Variants in PTAFR observed in about 807,000 individuals in gnomAD.
PTAFR encodes platelet-activating factor receptor.
A neutral mutation model predicts 14.7 loss-of-function variants in PTAFR; 8 were observed. That is an observed-to-expected ratio of 0.54 (90% CI 0.32 to 0.98). The LOEUF (loss-of-function observed/expected upper bound fraction) is 0.98, where lower values mean the gene tolerates loss of function less well. Ranked by LOEUF, PTAFR falls within the 50% of genes least tolerant of loss-of-function variation. The pLI is 0.04. For synonymous variants in PTAFR, 156 were observed against 176.5 expected, an observed-to-expected ratio of 0.88 and a Z score of 0.92; for missense variants, 337 against 451.2, an observed-to-expected ratio of 0.75 and a Z score of 2.29.
At chr1:28,166,125 A>G (rs1646382509) in intron 1 of PTAFR, among the ~76,000 whole-genome samples, 1 of 152,204 alleles carries the variant, frequency 6.6e-6, no homozygotes. Context: ...GATCAATGGG[A>G]CAGAATAGAG....
intron 1 of PTAFR, among the ~76,000 whole-genome samples, chr1:28,168,090 C>G (rs1006861683): frequency 4.0e-5 from 6 of 149,606 alleles, no homozygotes; most frequent in South Asian, 2.1e-4. Context: ...TCCCGAGTAG[C>G]TGGGACTACA....
At chr1:28,162,285 C>T (rs559932606) in intron 1 of PTAFR, among the ~76,000 whole-genome samples, 57 of 152,256 alleles carry the variant, frequency 3.7e-4, no homozygotes, top group African/African-American at 1.3e-3. Flanking sequence ...CAATTCCTCT[C>T]CCCGTCCCCT....
intron 1 of PTAFR, among the ~76,000 whole-genome samples, chr1:28,156,285 C>T (rs928728198): frequency 6.6e-6 from 1 of 151,784 alleles, no homozygotes; most frequent in East Asian, 1.9e-4. Context: ...GAAAATATCA[C>T]CAATTATCTG....
At chr1:28,154,081 GAAAAAAAAA>G (rs71586829) in intron 1 of PTAFR, among the ~76,000 whole-genome samples, 2 of 55,518 alleles carry the variant, frequency 3.6e-5, no homozygotes, top group East Asian at 5.9e-4. Context: ...CCTTGTCTCA[GAAAAAAAAA>G]AAAAAAAAAA....
upstream of PTAFR, among the ~76,000 whole-genome samples, chr1:28,178,220 C>CA (rs1050904420): frequency 6.6e-6 from 1 of 152,022 alleles, no homozygotes; most frequent in African/African-American, 2.4e-5. Context: ...TTATCAAAGC[C>CA]AAAAATGGCT....
chr1:28,149,899 G>T lies in PTAFR; in HGVS notation c.*94C>A. 1 of 1,457,744 alleles carries T rather than the reference G, an allele frequency of 6.9e-7. No individual in the cohort carries two copies. Among genetic ancestry groups the T allele is most frequent in the African/African-American group, 1.4e-5 (1 of 70,610 alleles). The allele number at this position is 1,457,744 out of a possible 1,614,324, so 90.3% of individuals were successfully genotyped here. ...ATCTAATGGCCCACCAGTGCCCACAGAGGTGGTGCCCAGACCACAGTAGAT... is the reference window on the plus strand; with the variant it reads ...ATCTAATGGCCCACCAGTGCCCACATAGGTGGTGCCCAGACCACAGTAGAT... On this transcript the variant is annotated 3_prime_UTR_variant, in exon 2 of 2. Transcript: ENST00000373857.
chr1:28,162,119 G>A (rs558539500), intron 1 of PTAFR, among the ~76,000 whole-genome samples: 6 of 152,130 alleles, frequency 3.9e-5, no homozygotes, highest in Non-Finnish European at 5.9e-5. Context: ...TGTGAGCCTC[G>A]GAGAGCTGCT....
intron 1 of PTAFR, among the ~76,000 whole-genome samples, chr1:28,172,677 G>A (rs922819031): frequency 2.6e-5 from 4 of 152,198 alleles, no homozygotes; most frequent in African/African-American, 9.7e-5. Context: ...AACTGGCCAT[G>A]CACTAAGCCA....
rs201541070 is a variant in PTAFR, at chr1:28,150,982, G to A, written c.40C>T (p.Arg14Ter). The change falls in exon 2 of 2, where the codon CGA becomes TGA. Residue 14 changes from arginine (R) to a stop codon, truncating the protein, a stop_gained. Coordinates refer to ENST00000373857, the MANE Select transcript of PTAFR (RefSeq NM_000952.5). LOFTEE classifies it high-confidence loss of function. This position sits in a 1 kb window ranked among gnomAD's most constrained non-coding sequence, Gnocchi z 6.3. ...HDSSHMDSEFRYTLFPIVYSI... is the reference protein window; with the variant it reads ...HDSSHMDSEF ...TAAACAATCGGGAAGAGAGTGTATC[G>A]GAACTCAGAGTCCATGTGGGAGGAG... 19 of 1,608,444 alleles carry A rather than the reference G, an allele frequency of 1.2e-5. No individual in the cohort carries two copies. Among genetic ancestry groups the A allele is most frequent in the East Asian group, 2.2e-5 (1 of 44,858 alleles).
At chr1:28,162,457 G>A (rs958341423) in intron 1 of PTAFR, among the ~76,000 whole-genome samples, 6 of 152,130 alleles carry the variant, frequency 3.9e-5, no homozygotes, top group African/African-American at 9.7e-5. Context: ...GTCCTTGGAC[G>A]AGCAGCATTG....
chr1:28,180,776 A>G (rs1646555857), upstream of PTAFR, among the ~76,000 whole-genome samples: 1 of 152,138 alleles, frequency 6.6e-6, no homozygotes, highest in South Asian at 2.1e-4. Context: ...CAAAATGTCC[A>G]TATATGTGGA....
At chr1:28,180,953 T>G (rs150278616), upstream of PTAFR, among the ~76,000 whole-genome samples, 18 of 152,218 alleles carry the variant, frequency 1.2e-4, no homozygotes, top group East Asian at 3.5e-3. Flanking sequence ...ATATTTATTT[T>G]ATTGATTGAT....
At chr1:28,187,629 C>T (rs570799920) in intron 1 of PTAFR, among the ~76,000 whole-genome samples, 1 of 152,124 alleles carries the variant, frequency 6.6e-6, no homozygotes, top group South Asian at 2.1e-4. Flanking sequence ...TTGAGCCTCC[C>T]GAGTAGCTAG....
intron 1 of PTAFR, among the ~76,000 whole-genome samples, chr1:28,189,635 T>G (rs893013249): frequency 2.6e-5 from 4 of 151,204 alleles, no homozygotes. Flanking sequence ...TAAATATAAA[T>G]AAACATAATG....
chr1:28,154,811 C>CAA (rs35917959), intron 1 of PTAFR, among the ~76,000 whole-genome samples: 1,435 of 36,994 alleles, frequency 0.039, 81 homozygotes, highest in African/African-American at 0.074. Flanking sequence ...GACTCTGTCT[C>CAA]AAAAAAAAAA....
At chr1:28,152,320 G>A (rs1646202976) in intron 1 of PTAFR, among the ~76,000 whole-genome samples, 1 of 152,050 alleles carries the variant, frequency 6.6e-6, no homozygotes, top group Admixed American at 6.6e-5. Context: ...ATAACTGTCT[G>A]CCCAGGCATG....
chr1:28,178,690 GCATA>G (rs1184071704), upstream of PTAFR, among the ~76,000 whole-genome samples: 11 of 148,374 alleles, frequency 7.4e-5, no homozygotes, highest in East Asian at 2.2e-3. Flanking sequence ...TTGCACACTC[GCATA>G]CACTCAGCGC....
In PTAFR at chr1:28,150,820, T is replaced by C. The variant is rs1341795447; in HGVS notation, c.202A>G (p.Ile68Val). The C allele has an allele frequency of 6.2e-7, 1 of 1,614,078 alleles. No individual in the cohort carries two copies. The highest frequency in any genetic ancestry group is 1.1e-5 in the South Asian group (1 of 91,068). ...TAGACAATCCAAAGTGGCAGGGTGATCAAGAAGAGCATGTCCGCCATGGTG... is the reference window on the plus strand; with the variant it reads ...TAGACAATCCAAAGTGGCAGGGTGACCAAGAAGAGCATGTCCGCCATGGTG... Reference protein sequence around the residue: ...NLTMADMLFLITLPLWIVYYQ... With the variant: ...NLTMADMLFLVTLPLWIVYYQ... The change falls in exon 2 of 2, where the codon ATC becomes GTC. Residue 68 changes from isoleucine to valine, a missense_variant. Ile to Val is a conservative substitution (Grantham distance 29). Transcript: ENST00000373857. The surrounding 1 kb of genome is among the most constrained non-coding windows in gnomAD (Gnocchi z 6.3).
chr1:28,184,068 G>A (rs1308322578), intron 1 of PTAFR, among the ~76,000 whole-genome samples: 1 of 139,314 alleles, frequency 7.2e-6, no homozygotes, highest in Non-Finnish European at 1.5e-5. Context: ...CCATACTCAC[G>A]TCCCCATTAG....
Sources: allele counts gnomAD v4.1 joint callset (sites outside exome capture counted in the v4.1 genomes callset), GRCh38; gene constraint gnomAD v4.1.1; non-coding constraint Gnocchi (gnomAD v3.1); transcripts MANE v1.5; gene names NCBI Gene and HGNC (gene_info 2026-07-23, HGNC 2026-07-21).